Variants in IRAK4 observed in about 807,000 individuals in gnomAD.
IRAK4 encodes interleukin-1 receptor-associated kinase 4.
Under a neutral mutation model 51.8 loss-of-function variants are expected in IRAK4, and 44 were observed. That is an observed-to-expected ratio of 0.85 (90% CI 0.67 to 1.09). IRAK4 has a LOEUF of 1.09. Ranked by LOEUF, IRAK4 falls within the 50% of genes least tolerant of loss-of-function variation. The probability of loss-of-function intolerance (pLI) is 0.00; values close to 1 mark genes in which losing one functional copy is unlikely to be tolerated. For missense variants in IRAK4, 487 were observed against 538.0 expected (o/e 0.91, Z 0.94); for synonymous variants, 149 against 174.1 (o/e 0.86, Z 1.13).
intron 6 of IRAK4, among the ~76,000 whole-genome samples, chr12:43,774,798 A>T (rs1386552757): frequency 1.3e-5 from 2 of 152,226 alleles, no homozygotes; most frequent in Non-Finnish European, 2.9e-5. Flanking sequence ...GAAAAGTAGG[A>T]GGGACAAAGT....
At chr12:43,786,592 GGGGT>G in intron 11 of IRAK4, 35 bp downstream of exon 11, 5 of 1,608,790 alleles carry the variant, frequency 3.1e-6, no homozygotes, top group Middle Eastern at 1.7e-4. Flanking sequence ...AAAAGTGAAA[GGGGT>G]GGGGTTCATC....
At chr12:43,767,120 AATAT>A (rs1940233708) in intron 1 of IRAK4, among the ~76,000 whole-genome samples, 1 of 152,336 alleles carries the variant, frequency 6.6e-6, no homozygotes, top group Admixed American at 6.5e-5. Flanking sequence ...GTATTTTTAA[AATAT>A]ATATAGGGAA....
At position 43,789,373 on chromosome 12, in the gene IRAK4, T is replaced by C. The variant is rs1486098856; in HGVS notation, c.*2658T>C. On this transcript the variant is annotated 3_prime_UTR_variant, in exon 12 of 12. Coordinates refer to ENST00000613694, the MANE Select transcript of IRAK4 (RefSeq NM_016123.4). Reference sequence around the variant, plus strand: ...GCCTTCATCAAAGGCCAGGCAAATATTGGTGCCGTGCTAGTATGGCCTGCA... The same window carrying C: ...GCCTTCATCAAAGGCCAGGCAAATACTGGTGCCGTGCTAGTATGGCCTGCA... 6.6e-6 allele frequency: 1 copy of C among 152,212 alleles called. No individual in the cohort carries two copies. Among genetic ancestry groups the C allele is most frequent in the Non-Finnish European group, 1.5e-5 (1 of 68,038 alleles). 9.4% of individuals were successfully genotyped at this position (152,212 alleles called of 1,614,324 possible). A position where few individuals can be genotyped will look rare whatever the true frequency, so the allele number is the denominator to read the frequency against.
In IRAK4 at chr12:43,782,357, G is replaced by A; in HGVS notation, c.992G>A (p.Gly331Asp). 6.2e-7 allele frequency: 1 copy of A among 1,613,750 alleles called. No homozygotes were observed. Among genetic ancestry groups the A allele is most frequent in the Non-Finnish European group, 8.5e-7 (1 of 1,179,766 alleles). Residue 331 changes from glycine to aspartate, a missense_variant, in exon 9 of 12, where the codon GGC (glycine) becomes GAC (aspartate). Transcript: ENST00000613694. Reference protein sequence around the residue: ...EAFTAKISDFGLARASEKFAQ... With the variant: ...EAFTAKISDFDLARASEKFAQ... The stretch of plus-strand genomic sequence containing the variant: ...TTTACTGCTAAAATATCTGACTTTG[G>A]CCTTGCACGGGCTTCTGAGAAGTTT...
chr12:43,771,080 C>A, intron 2 of IRAK4, 140 bp from the exon 3 acceptor site: 1 of 783,062 alleles, frequency 1.3e-6, no homozygotes, highest in Non-Finnish European at 2.2e-6. Context: ...GCCTCTCGAT[C>A]TTGGACTTCC....
chr12:43,778,063 TGTA>T (rs1427783364), intron 7 of IRAK4, 127 bp from the exon 8 acceptor site: 8 of 653,898 alleles, frequency 1.2e-5, no homozygotes, highest in African/African-American at 1.1e-4. Flanking sequence ...AACTTAAAAA[TGTA>T]GTCCTAAATT....
At position 43,784,075 on chromosome 12, in the gene IRAK4, A is replaced by G. The variant is rs1332396116; in HGVS notation, c.1188+351A>G. 2.6e-5 allele frequency among the ~76,000 whole-genome samples: 4 copies of G among 151,500 alleles called. No individual in the cohort carries two copies. The East Asian group carries it at 5.8e-4, about 22-fold the overall frequency. ...TGTTTCCAGCATTTTCAGAGGGGGG[A>G]AAAAAAAGGCTTCCATTCAAATTTC... On this transcript the variant is annotated intron_variant, in intron 10 of 11. Transcript: ENST00000613694.
intron 10 of IRAK4, among the ~76,000 whole-genome samples, 162 bp downstream of exon 10, chr12:43,783,886 C>T (rs1941994401): frequency 6.6e-6 from 1 of 152,184 alleles, no homozygotes; most frequent in Admixed American, 6.5e-5. Context: ...TTTTCATTCT[C>T]AGCTCTCCCA....
In IRAK4 at chr12:43,784,130, T is replaced by C. The variant is rs548696336; in HGVS notation, c.1188+406T>C. Among the ~76,000 whole-genome samples, 32 of 152,280 alleles carry C rather than the reference T, an allele frequency of 2.1e-4. No individual in the cohort carries two copies. The South Asian group carries it at 6.0e-3, about 29-fold the overall frequency. ...AGAATAAAATTGCTAGTAAAAGTTA[T>C]CACTTATTTCTATCATGGGGTATTT... On this transcript the variant is annotated intron_variant, in intron 10 of 11. Transcript: ENST00000613694.
chr12:43,770,374 A>T (rs1005156072), intron 2 of IRAK4, among the ~76,000 whole-genome samples: 1 of 152,156 alleles, frequency 6.6e-6, no homozygotes, highest in Non-Finnish European at 1.5e-5. Context: ...TTGCTAGTAG[A>T]TTAAGAATAC....
chr12:43,771,725 A>T (rs958763813), intron 3 of IRAK4, among the ~76,000 whole-genome samples: 1 of 152,204 alleles, frequency 6.6e-6, no homozygotes. Flanking sequence ...CATAATTTTA[A>T]AAAATTGTAT....
At chr12:43,775,994 G>A (rs1417631473) in intron 6 of IRAK4, among the ~76,000 whole-genome samples, 2 of 143,120 alleles carry the variant, frequency 1.4e-5, no homozygotes, top group Non-Finnish European at 1.5e-5. Context: ...CCATTCTCCC[G>A]CCTCAGCCTC....
Position 43,786,779 on chromosome 12 carries a change from T to C in IRAK4, c.*64T>C, listed in dbSNP as rs1275009412. On this transcript the variant is annotated 3_prime_UTR_variant, in exon 12 of 12. Coordinates refer to ENST00000613694, the MANE Select transcript of IRAK4 (RefSeq NM_016123.4). ...CTATCTCAACCATTTTTTTAACTGA[T>C]TTTTTTCCTAAATATTCTTCTTTAC... 57 of 1,363,658 alleles carry C rather than the reference T, an allele frequency of 4.2e-5. 1 individual carries two copies. In the South Asian group the frequency reaches 5.0e-4, roughly 12 times the overall value. The allele number at this position is 1,363,658 out of a possible 1,614,324, so 84.5% of individuals were successfully genotyped here.
chr12:43,777,947 T>C (rs1941437850), intron 7 of IRAK4, among the ~76,000 whole-genome samples: 1 of 152,204 alleles, frequency 6.6e-6, no homozygotes, highest in Admixed American at 6.5e-5. Flanking sequence ...TAATCTTAAA[T>C]GTAGAATTCA....
intron 2 of IRAK4, among the ~76,000 whole-genome samples, chr12:43,770,190 GGAAA>G (rs1182034679): frequency 6.6e-6 from 1 of 152,026 alleles, no homozygotes; most frequent in East Asian, 1.9e-4. Flanking sequence ...TTAAAGAAAT[GGAAA>G]GAAATGGGTT....
At chr12:43,769,414 C>G (rs1224613295) in intron 2 of IRAK4, among the ~76,000 whole-genome samples, 12 of 152,112 alleles carry the variant, frequency 7.9e-5, no homozygotes, top group Non-Finnish European at 2.9e-5. Flanking sequence ...AATCCTAACA[C>G]TTGTGGAGAC....
At chr12:43,780,822 T>C (rs1224318174) in intron 8 of IRAK4, among the ~76,000 whole-genome samples, 1 of 152,146 alleles carries the variant, frequency 6.6e-6, no homozygotes, top group African/African-American at 2.4e-5. Context: ...CCGCCCGCCT[T>C]GGCCTCCCAA....
At chr12:43,774,164 G>A in intron 6 of IRAK4, 135 bp downstream of exon 6, 1 of 690,724 alleles carries the variant, frequency 1.4e-6, no homozygotes, top group Non-Finnish European at 2.5e-6. Context: ...GTTTAGATTA[G>A]AGAAATTGAA....
intron 8 of IRAK4, among the ~76,000 whole-genome samples, chr12:43,778,847 C>T (rs4251504): frequency 0.012 from 1,778 of 152,072 alleles, 37 homozygotes; most frequent in African/African-American, 0.04. Context: ...AAGAAAGTGA[C>T]ATTTAAGCAG....
Sources: gnomAD v4.1 joint callset for allele counts (sites outside exome capture counted in the v4.1 genomes callset) on GRCh38, gnomAD v4.1.1 for gene constraint, MANE v1.5 for transcripts, NCBI Gene and HGNC (gene_info 2026-07-23, HGNC 2026-07-21) for gene names.